ZFAT: variants seen among roughly 807,000 people sequenced by gnomAD.
ZFAT encodes zinc finger and AT-hook domain containing.
A neutral mutation model predicts 117.7 loss-of-function variants in ZFAT; 64 were observed. That is an observed-to-expected ratio of 0.54 (90% CI 0.44 to 0.67). ZFAT has a LOEUF of 0.67. Ranked by LOEUF, ZFAT falls within the 30% of genes least tolerant of loss-of-function variation. ZFAT has a pLI of 0.00. For synonymous variants in ZFAT, 679 were observed against 615.0 expected (o/e 1.10, Z -1.54); for missense variants, 1,433 against 1,584.5 (o/e 0.90, Z 1.62).
At chr8:134,637,430 T>C (rs1366245386) in intron 3 of ZFAT, 31 bp downstream of exon 3, 1 of 1,587,554 alleles carries the variant, frequency 6.3e-7, no homozygotes, top group South Asian at 1.1e-5. Context: ...TCATAAGAAA[T>C]TGACATGTTC....
chr8:134,506,371 C>G (rs544384945), intron 15 of ZFAT, among the ~76,000 whole-genome samples: 1 of 152,264 alleles, frequency 6.6e-6, no homozygotes, highest in South Asian at 2.1e-4. Context: ...GGGAGATGCT[C>G]GGGCCCCATG....
chr8:134,653,553 TCA>T (rs1427083545), intron 2 of ZFAT, among the ~76,000 whole-genome samples: 2 of 146,340 alleles, frequency 1.4e-5, no homozygotes, highest in African/African-American at 5.0e-5. Flanking sequence ...GCATAAGCCA[TCA>T]CACACAGCCG....
intron 1 of ZFAT, among the ~76,000 whole-genome samples, chr8:134,670,853 T>C (rs1175299112): frequency 6.6e-6 from 1 of 152,140 alleles, no homozygotes; most frequent in African/African-American, 2.4e-5. Context: ...GATAGACTAC[T>C]AGCCACACTA....
the ZFAT span, chr8:134,795,890 G>A: frequency 6.6e-6 from 1 of 152,342 alleles, no homozygotes; most frequent in South Asian, 2.1e-4. Context: ...AGAAGGCCAA[G>A]AGGCCTTGAG....
At chr8:134,628,604 C>A (rs574555448) in intron 3 of ZFAT, among the ~76,000 whole-genome samples, 2 of 152,350 alleles carry the variant, frequency 1.3e-5, no homozygotes, top group South Asian at 2.1e-4. Context: ...AAAAAGAATT[C>A]TTCTTTACCT....
chr8:134,654,036 C>A (rs1019415372), intron 2 of ZFAT, among the ~76,000 whole-genome samples: 1 of 152,134 alleles, frequency 6.6e-6, no homozygotes, highest in African/African-American at 2.4e-5. Flanking sequence ...GGGGCTCATG[C>A]CTGTAATCTC....
intron 11 of ZFAT, among the ~76,000 whole-genome samples, chr8:134,548,180 C>T (rs775481432): frequency 6.6e-6 from 1 of 152,190 alleles, no homozygotes; most frequent in South Asian, 2.1e-4. Flanking sequence ...ATTTATTAAG[C>T]ACTGCATAGG....
chr8:134,673,739 T>C (rs4554426), intron 1 of ZFAT, among the ~76,000 whole-genome samples: 52,927 of 148,970 alleles, frequency 0.36, 9,568 homozygotes, highest in South Asian at 0.44. Flanking sequence ...ACTGATTTGA[T>C]CTAAAAAAGC....
intron 15 of ZFAT, among the ~76,000 whole-genome samples, chr8:134,505,955 G>T (rs373727789): frequency 6.6e-6 from 1 of 152,144 alleles, no homozygotes; most frequent in Non-Finnish European, 1.5e-5. Flanking sequence ...ATGAGTGCCC[G>T]TCAACCATAC....
the ZFAT span, among the ~76,000 whole-genome samples, chr8:134,807,211 T>A: frequency 6.6e-6 from 1 of 152,196 alleles, no homozygotes. Flanking sequence ...CCATGCCACA[T>A]TTGCCACAGA....
At chr8:134,717,560 T>C (rs569795127), upstream of ZFAT, among the ~76,000 whole-genome samples, 89 of 137,954 alleles carry the variant, frequency 6.5e-4, no homozygotes, top group African/African-American at 2.3e-3. Flanking sequence ...CTCGGCTCAC[T>C]GCAAGCTCTG....
chr8:134,730,256 G>A, the ZFAT span, among the ~76,000 whole-genome samples: 17 of 152,212 alleles, frequency 1.1e-4, 1 homozygote, highest in African/African-American at 3.6e-4. Context: ...AAGGCCCAAC[G>A]TACTCCTCCC....
chr8:134,565,413 A>G lies in ZFAT; in HGVS notation c.2896T>C (p.Phe966Leu). Reference sequence around the variant, plus strand: ...GTGTAGTCACACACCGTGCACTTAAACTGCTTCCCTGGAAAGAAGCGGAGG... The same window carrying G: ...GTGTAGTCACACACCGTGCACTTAAGCTGCTTCCCTGGAAAGAAGCGGAGG... ...KLLHTADGKQFKCTVCDYTAA... is the reference protein window; with the variant it reads ...KLLHTADGKQLKCTVCDYTAA... The change falls in exon 11 of 16, where the codon TTT (phenylalanine) becomes CTT (leucine). Residue 966 changes from phenylalanine (F) to leucine (L), a missense_variant. Phe to Leu is a conservative substitution (Grantham distance 22). This residue lies in a region of ZFAT where 503 missense variants were observed against 543.4 expected (regional missense o/e 0.93). Transcript: ENST00000377838. 6.2e-7 allele frequency: 1 copy of G among 1,612,818 alleles called. No individual in the cohort carries two copies. The highest frequency in any genetic ancestry group is 8.5e-7 in the Non-Finnish European group (1 of 1,179,584).
At chr8:134,819,885 T>C in the ZFAT span, among the ~76,000 whole-genome samples, 1 of 152,114 alleles carries the variant, frequency 6.6e-6, no homozygotes, top group Non-Finnish European at 1.5e-5. Context: ...AAAAAAAGAT[T>C]CCTTTTGGAA....
At chr8:134,527,371 C>T (rs190870738) in intron 12 of ZFAT, among the ~76,000 whole-genome samples, 1 of 152,200 alleles carries the variant, frequency 6.6e-6, no homozygotes, top group Admixed American at 6.5e-5. Flanking sequence ...ACAGTAGCTA[C>T]AGGCAACTAA....
the ZFAT span, among the ~76,000 whole-genome samples, chr8:134,763,646 T>C: frequency 2.0e-5 from 3 of 152,224 alleles, no homozygotes; most frequent in African/African-American, 7.2e-5. Flanking sequence ...ATATACTCAT[T>C]ATTATATCCT....
chr8:134,796,903 G>GTCT, the ZFAT span: 1 of 152,112 alleles, frequency 6.6e-6, no homozygotes, highest in Non-Finnish European at 1.5e-5. Flanking sequence ...ATGTAACATA[G>GTCT]TCTTCTGCAC....
intron 2 of ZFAT, among the ~76,000 whole-genome samples, chr8:134,640,394 G>C (rs137893663): frequency 6.6e-6 from 1 of 152,242 alleles, no homozygotes; most frequent in African/African-American, 2.4e-5. Flanking sequence ...TTACTATTGC[G>C]GGGTAGCCAG....
intron 3 of ZFAT, among the ~76,000 whole-genome samples, chr8:134,634,490 T>C (rs1563704282): frequency 1.9e-5 from 1 of 52,304 alleles, no homozygotes; most frequent in East Asian, 1.7e-3. Context: ...GTGAGCTTTC[T>C]GGGCGCAATA....
Sources: gnomAD v4.1 joint callset for allele counts (sites outside exome capture counted in the v4.1 genomes callset) on GRCh38, gnomAD v4.1.1 for gene constraint, gnomAD v4.1.1 regional missense constraint, MANE v1.5 for transcripts, NCBI Gene and HGNC (gene_info 2026-07-23, HGNC 2026-07-21) for gene names.